The following PCDHA1 variants were observed in gnomAD, a reference collection of about 807,000 sequenced individuals.
The protein encoded by PCDHA1 is protocadherin alpha-1.
In PCDHA1, 42 loss-of-function variants were observed where a neutral mutation model predicts 61.3. That is an observed-to-expected ratio of 0.69 (90% CI 0.54 to 0.89). The LOEUF is 0.89. Ranked by LOEUF, PCDHA1 falls within the 40% of genes least tolerant of loss-of-function variation. The pLI is 0.00. For synonymous variants in PCDHA1, 610 were observed against 553.8 expected, an observed-to-expected ratio of 1.10 and a Z score of -1.43; for missense variants, 1,256 against 1,235.3, an observed-to-expected ratio of 1.02 and a Z score of -0.25.
chr5:140,798,881 A>C (rs1162494527), intron 1 of PCDHA1, among the ~76,000 whole-genome samples: 1 of 152,124 alleles, frequency 6.6e-6, no homozygotes, highest in Non-Finnish European at 1.5e-5. Flanking sequence ...GTTCTTAGTT[A>C]TTTGCTGTTT....
At chr5:140,928,712 G>T in intron 1 of PCDHA1, 2 of 1,614,168 alleles carry the variant, frequency 1.2e-6, no homozygotes, top group Non-Finnish European at 1.7e-6. Flanking sequence ...TCTGACTCTA[G>T]TCTCTTTAGA....
intron 1 of PCDHA1, chr5:140,876,038 G>A (rs2153335869): frequency 6.2e-7 from 1 of 1,613,822 alleles, no homozygotes; most frequent in East Asian, 2.2e-5. Context: ...AAAGATAAAA[G>A]TATATTGCCT....
Position 140,788,256 on chromosome 5 carries a change from G to A in PCDHA1, c.1966G>A (p.Glu656Lys), listed in dbSNP as rs1554118197. ...TCTGGTGCTAGTGAAGGATCACGGT[G>A]AGCCGGCGCTGACAGCCACGGCCAC... Reference protein sequence around the residue: ...RLLVLVKDHGEPALTATATVL... With the variant: ...RLLVLVKDHGKPALTATATVL... Residue 656 changes from glutamate (E) to lysine (K), a missense_variant, in exon 1 of 4, where the codon GAG becomes AAG. Glu to Lys is a moderately conservative substitution (Grantham distance 56). Transcript: ENST00000504120. 1.2e-6 allele frequency: 2 copies of A among 1,613,998 alleles called. No individual in the cohort carries two copies. The highest frequency in any genetic ancestry group is 1.6e-4 in the Middle Eastern group (1 of 6,062).
intron 3 of PCDHA1, among the ~76,000 whole-genome samples, chr5:140,986,019 G>T (rs562523452): frequency 1.3e-5 from 2 of 152,036 alleles, no homozygotes; most frequent in African/African-American, 2.4e-5. Flanking sequence ...GATTACAGGC[G>T]TGAGCCACTG....
intron 1 of PCDHA1, chr5:140,796,315 A>G (rs1762066424): frequency 1.9e-6 from 3 of 1,614,106 alleles, no homozygotes; most frequent in Non-Finnish European, 1.7e-6. Context: ...CGTGAACGAC[A>G]ACGCGCCGGC....
chr5:140,835,566 T>G, intron 1 of PCDHA1: 1 of 1,613,930 alleles, frequency 6.2e-7, no homozygotes, highest in African/African-American at 1.3e-5. Flanking sequence ...CCGCGTTCCC[T>G]TCAAGTTGGT....
At chr5:140,822,636 T>C (rs147180015) in intron 1 of PCDHA1, 177 of 1,610,778 alleles carry the variant, frequency 1.1e-4, no homozygotes, top group African/African-American at 4.4e-4. Flanking sequence ...TTCTTGACGA[T>C]GTAAAGTCCA....
intron 1 of PCDHA1, chr5:140,884,142 G>A (rs782033390): frequency 5.6e-6 from 9 of 1,613,298 alleles, no homozygotes; most frequent in African/African-American, 1.3e-5. Flanking sequence ...TTCCGCGTGG[G>A]GCTGTACACT....
At chr5:140,927,903 C>T in intron 1 of PCDHA1, 1 of 1,614,158 alleles carries the variant, frequency 6.2e-7, no homozygotes, top group South Asian at 1.1e-5. Flanking sequence ...ACGATCATGC[C>T]CCCGAACTGG....
intron 1 of PCDHA1, chr5:140,814,561 GTAT>G (rs1554126547): frequency 6.6e-6 from 1 of 151,692 alleles, no homozygotes; most frequent in Non-Finnish European, 1.5e-5. Flanking sequence ...TCTGTATCAA[GTAT>G]TATGTACTGT....
At chr5:140,845,616 T>C (rs1554140941) in intron 1 of PCDHA1, among the ~76,000 whole-genome samples, 1 of 149,626 alleles carries the variant, frequency 6.7e-6, no homozygotes, top group Non-Finnish European at 1.5e-5. Flanking sequence ...TATTGTGGAT[T>C]CTGAAGCTCT....
chr5:140,928,623 A>G (rs1554206072), intron 1 of PCDHA1: 1 of 1,614,210 alleles, frequency 6.2e-7, no homozygotes, highest in African/African-American at 1.3e-5. Flanking sequence ...CCAGGACTGG[A>G]CACTTGGTCA....
chr5:140,857,567 G>A, intron 1 of PCDHA1: 1 of 1,596,986 alleles, frequency 6.3e-7, no homozygotes, highest in South Asian at 1.1e-5. Flanking sequence ...GTCGAGCTAC[G>A]TGTCGGTGCA....
At chr5:140,871,707 G>A (rs2053270634) in intron 1 of PCDHA1, 9 of 843,502 alleles carry the variant, frequency 1.1e-5, no homozygotes, top group Non-Finnish European at 1.6e-5. Flanking sequence ...ACCAATAAAT[G>A]TCCTATTTCT....
chr5:140,887,781 T>C (rs2061576427), intron 1 of PCDHA1, among the ~76,000 whole-genome samples: 2 of 152,338 alleles, frequency 1.3e-5, no homozygotes, highest in African/African-American at 4.8e-5. Flanking sequence ...ACACAGGTCA[T>C]TGAAGCGTTC....
intron 1 of PCDHA1, among the ~76,000 whole-genome samples, chr5:140,964,846 C>G (rs1292135709): frequency 2.0e-5 from 3 of 152,180 alleles, no homozygotes; most frequent in Non-Finnish European, 2.9e-5. Context: ...TACTCTGTAC[C>G]CTTGAGGAAA....
intron 1 of PCDHA1, among the ~76,000 whole-genome samples, chr5:140,974,423 C>T (rs2096627451): frequency 6.6e-6 from 1 of 152,166 alleles, no homozygotes; most frequent in Non-Finnish European, 1.5e-5. Flanking sequence ...ATTTTACTTT[C>T]CTGGTTTGTA....
chr5:140,827,875 C>A (rs538155297), intron 1 of PCDHA1: 1 of 643,830 alleles, frequency 1.6e-6, no homozygotes, highest in South Asian at 2.0e-5. Context: ...AGCACTGTTA[C>A]GTGAATTGAT....
chr5:140,901,493 G>A (rs1407022584), intron 1 of PCDHA1, among the ~76,000 whole-genome samples: 7 of 152,016 alleles, frequency 4.6e-5, no homozygotes, highest in Admixed American at 3.9e-4. Flanking sequence ...CACCTTCATC[G>A]AAAATGAGTT....
Sources: allele counts gnomAD v4.1 joint callset (sites outside exome capture counted in the v4.1 genomes callset), GRCh38; gene constraint gnomAD v4.1.1; transcripts MANE v1.5; gene names NCBI Gene and HGNC (gene_info 2026-07-23, HGNC 2026-07-21).